NRCAM: variants seen among roughly 807,000 people sequenced by gnomAD.
NRCAM encodes neuronal cell adhesion molecule.
A neutral mutation model predicts 156.5 loss-of-function variants in NRCAM; 83 were observed. That is an observed-to-expected ratio of 0.53 (90% CI 0.44 to 0.64). The LOEUF is 0.64. NRCAM is among the 30% of genes least tolerant of loss of function. NRCAM has a pLI of 0.00. For synonymous variants in NRCAM, 538 were observed against 563.9 expected (o/e 0.95, Z 0.65); for missense variants, 1,417 against 1,597.3 (o/e 0.89, Z 1.92).
intron 13 of NRCAM, among the ~76,000 whole-genome samples, chr7:108,206,934 A>G (rs2081464407): frequency 6.6e-6 from 1 of 152,176 alleles, no homozygotes; most frequent in Non-Finnish European, 1.5e-5. Context: ...CAAGGATGAT[A>G]GCAGCAGCTC....
In NRCAM at chr7:108,357,295, G is replaced by A. The variant is rs1594924261; in HGVS notation, c.-174+42141C>T. Among the ~76,000 whole-genome samples, 3 of 151,332 alleles carry A rather than the reference G, an allele frequency of 2.0e-5. No homozygotes were observed. The East Asian group carries it at 5.8e-4, about 29-fold the overall frequency. On this transcript the variant is annotated intron_variant, in intron 2 of 32. Coordinates refer to ENST00000379028, the MANE Select transcript of NRCAM (RefSeq NM_001037132.4). ...TTATCCCTAAATCATTTCACAACAT[G>A]AGAGGATTAAAAAGTACTCTTTTGT...
chr7:108,204,811 A>C (rs2080200708), intron 13 of NRCAM, among the ~76,000 whole-genome samples: 1 of 152,088 alleles, frequency 6.6e-6, no homozygotes, highest in South Asian at 2.1e-4. Context: ...AGCTGATCTG[A>C]TTTGAGACAT....
intron 1 of NRCAM, among the ~76,000 whole-genome samples, chr7:108,432,913 A>G (rs10230996): frequency 2.2e-5 from 3 of 138,584 alleles, no homozygotes; most frequent in Admixed American, 7.4e-5. Flanking sequence ...GAGAGAGAGA[A>G]AGAGAAAGAG....
At chr7:108,326,410 C>A (rs945184889) in intron 2 of NRCAM, among the ~76,000 whole-genome samples, 1 of 152,090 alleles carries the variant, frequency 6.6e-6, no homozygotes, top group Non-Finnish European at 1.5e-5. Flanking sequence ...TCAACTGGGG[C>A]CCGGGCTTGA....
chr7:108,194,046 T>C lies in NRCAM; in HGVS notation c.1756A>G (p.Arg586Gly). ...SLTVLWLKDN[R>G]ELPSDERFTV... ...TACCTTTCATCACTGGGCAGTTCCC[T>C]GTTGTCCTTCAGCCACAGGACAGTG... Residue 586 changes from arginine to glycine, a missense_variant, in exon 17 of 33, where the codon AGG (arginine) becomes GGG (glycine). By Grantham distance (125) the Arg-to-Gly change is moderately radical (BLOSUM62 -2). Transcript: ENST00000379028. 1 of 1,614,086 alleles carries C rather than the reference T, an allele frequency of 6.2e-7. No individual in the cohort carries two copies. The highest frequency in any genetic ancestry group is 8.5e-7 in the Non-Finnish European group (1 of 1,179,962).
At chr7:108,403,828 C>G (rs184657908) in intron 1 of NRCAM, among the ~76,000 whole-genome samples, 2 of 152,298 alleles carry the variant, frequency 1.3e-5, no homozygotes, top group East Asian at 1.9e-4. Context: ...TGGAAATTAG[C>G]AGAATCTGTC....
At chr7:108,299,866 A>C (rs563962762) in intron 3 of NRCAM, among the ~76,000 whole-genome samples, 1 of 152,332 alleles carries the variant, frequency 6.6e-6, no homozygotes, top group East Asian at 1.9e-4. Context: ...CCTTGGTTTG[A>C]AGCCCTGCTC....
chr7:108,362,907 A>AT (rs1458011453), intron 2 of NRCAM, among the ~76,000 whole-genome samples: 1 of 152,198 alleles, frequency 6.6e-6, no homozygotes, highest in Non-Finnish European at 1.5e-5. Context: ...CCATTTACCA[A>AT]TAAAATAAAC....
At chr7:108,407,035 AAAAGT>A (rs1331139319) in intron 1 of NRCAM, among the ~76,000 whole-genome samples, 8 of 152,204 alleles carry the variant, frequency 5.3e-5, no homozygotes, top group African/African-American at 1.7e-4. Context: ...CCAAAATATA[AAAAGT>A]AAAGAAAAAT....
chr7:108,451,884 C>A (rs1333337049), intron 1 of NRCAM, among the ~76,000 whole-genome samples: 1 of 152,154 alleles, frequency 6.6e-6, no homozygotes, highest in Admixed American at 6.5e-5. Flanking sequence ...GTGATGGCTG[C>A]ACACAATGTG....
rs2099699527 is a variant in NRCAM, at chr7:108,381,213, C to T, written c.-174+18223G>A. Among the ~76,000 whole-genome samples the T allele has an allele frequency of 3.3e-5, 5 of 152,096 alleles. No homozygotes were observed. The South Asian group carries it at 1.0e-3, about 31-fold the overall frequency. ...CATCAAAAAGTTAATAATCATTTGC[C>T]TGTGTTACTTTTACTGTCTTCCCAT... On this transcript the variant is annotated intron_variant, in intron 2 of 32. Transcript: ENST00000379028.
At position 108,364,195 on chromosome 7, in the gene NRCAM, G is replaced by A. The variant is rs571207103; in HGVS notation, c.-174+35241C>T. Among the ~76,000 whole-genome samples, 31 of 152,188 alleles carry A rather than the reference G, an allele frequency of 2.0e-4. No homozygotes were observed. The East Asian group carries it at 5.6e-3, about 27-fold the overall frequency. ...AAATAAAATTTAAAAGATGGGCAAAGGATTTGAACAGACGTTTCTTCAAAG... is the reference window on the plus strand; with the variant it reads ...AAATAAAATTTAAAAGATGGGCAAAAGATTTGAACAGACGTTTCTTCAAAG... On this transcript the variant is annotated intron_variant, in intron 2 of 32. Coordinates refer to ENST00000379028, the MANE Select transcript of NRCAM (RefSeq NM_001037132.4).
chr7:108,276,852 A>C (rs1378306693), intron 3 of NRCAM, among the ~76,000 whole-genome samples: 1 of 151,762 alleles, frequency 6.6e-6, no homozygotes, highest in African/African-American at 2.4e-5. Flanking sequence ...ACAATTTGTC[A>C]TGCTTTTGCA....
chr7:108,267,394 T>C (rs1461329391), intron 3 of NRCAM, among the ~76,000 whole-genome samples: 2 of 152,186 alleles, frequency 1.3e-5, no homozygotes, highest in African/African-American at 2.4e-5. Context: ...GCTCCCTCAA[T>C]AGGCAACCAC....
At chr7:108,321,545 T>C (rs568638905) in intron 2 of NRCAM, among the ~76,000 whole-genome samples, 108 of 152,220 alleles carry the variant, frequency 7.1e-4, no homozygotes, top group Non-Finnish European at 1.2e-3. Flanking sequence ...ACCTCCAACA[T>C]TGGGGATCAC....
intron 1 of NRCAM, among the ~76,000 whole-genome samples, chr7:108,424,828 G>A (rs1244159310): frequency 6.6e-6 from 1 of 152,066 alleles, no homozygotes; most frequent in Non-Finnish European, 1.5e-5. Flanking sequence ...TGAGTCCAAT[G>A]TCTAATAGAA....
chr7:108,301,285 C>T (rs2098606124), intron 3 of NRCAM, among the ~76,000 whole-genome samples: 1 of 152,162 alleles, frequency 6.6e-6, no homozygotes, highest in Non-Finnish European at 1.5e-5. Flanking sequence ...TGTTATCTGC[C>T]AGTCAGATTC....
At chr7:108,368,229 C>CT (rs200911308) in intron 2 of NRCAM, among the ~76,000 whole-genome samples, 1 of 102,504 alleles carries the variant, frequency 9.8e-6, no homozygotes, top group Non-Finnish European at 2.0e-5. Context: ...TTCATACCCC[C>CT]CCCCACCCCC....
At chr7:108,372,207 A>C (rs1025590897) in intron 2 of NRCAM, among the ~76,000 whole-genome samples, 7 of 152,282 alleles carry the variant, frequency 4.6e-5, no homozygotes, top group African/African-American at 1.7e-4. Context: ...ACAAAACCCC[A>C]TTCAAAACAG....
Sources: gnomAD v4.1 joint callset for allele counts (sites outside exome capture counted in the v4.1 genomes callset) on GRCh38, gnomAD v4.1.1 for gene constraint, MANE v1.5 for transcripts, NCBI Gene and HGNC (gene_info 2026-07-23, HGNC 2026-07-21) for gene names.